TAPT1: variants seen among roughly 807,000 people sequenced by gnomAD.
TAPT1 encodes the protein transmembrane anterior posterior transformation 1.
TAPT1 carries 28 observed loss-of-function variants against 65.6 expected under a neutral mutation model. The ratio of observed to expected loss-of-function variants is 0.43; its 90% CI spans 0.32 to 0.59. The LOEUF is 0.59. TAPT1 is among the 20% of genes least tolerant of loss of function. The pLI is 0.09. For missense variants in TAPT1, 563 were observed against 679.9 expected (o/e 0.83, Z 1.91); for synonymous variants, 278 against 245.2 (o/e 1.13, Z -1.25).
chr4:16,202,918 G>C (rs892466272), intron 2 of TAPT1, among the ~76,000 whole-genome samples: 1 of 152,064 alleles, frequency 6.6e-6, no homozygotes, highest in African/African-American at 2.4e-5. Flanking sequence ...CTGTTTATTA[G>C]AATGCTTCAT....
intron 2 of TAPT1, 52 bp from the exon 3 acceptor site, chr4:16,202,632 G>C (rs1015183518): frequency 2.0e-6 from 2 of 1,006,902 alleles, no homozygotes; most frequent in Non-Finnish European, 2.9e-6. Context: ...AAAAATACTT[G>C]TAGATGAAAA....
At chr4:16,180,523 C>G (rs1748650595) in intron 7 of TAPT1, among the ~76,000 whole-genome samples, 1 of 152,168 alleles carries the variant, frequency 6.6e-6, no homozygotes, top group Admixed American at 6.5e-5. Context: ...TTCCCACTGC[C>G]TCAGTAAATG....
intron 1 of TAPT1, 87 bp downstream of exon 1, chr4:16,226,172 G>A (rs1751545042): frequency 9.5e-7 from 1 of 1,057,120 alleles, no homozygotes; most frequent in Non-Finnish European, 1.1e-6. Context: ...GCGCGGCTCG[G>A]GGGCCGGGGT....
intron 12 of TAPT1, among the ~76,000 whole-genome samples, chr4:16,167,939 C>T (rs189039822): frequency 2.5e-4 from 38 of 152,160 alleles, no homozygotes; most frequent in Non-Finnish European, 4.6e-4. Flanking sequence ...ATTAAGAAAA[C>T]ACATTAAATC....
At chr4:16,206,485 G>A (rs948685696) in intron 2 of TAPT1, among the ~76,000 whole-genome samples, 1 of 152,132 alleles carries the variant, frequency 6.6e-6, no homozygotes, top group Non-Finnish European at 1.5e-5. Context: ...GAATGATGCA[G>A]CAAGGCAGGA....
chr4:16,177,326 T>C (rs1466915377), intron 8 of TAPT1, among the ~76,000 whole-genome samples: 1 of 152,128 alleles, frequency 6.6e-6, no homozygotes, highest in Non-Finnish European at 1.5e-5. Flanking sequence ...GAAACACACC[T>C]ACAGACAACC....
At chr4:16,170,615 T>C in intron 12 of TAPT1, 38 bp downstream of exon 12, 1 of 1,494,574 alleles carries the variant, frequency 6.7e-7, no homozygotes, top group South Asian at 1.1e-5. Context: ...ATTTATGCTT[T>C]ACTGTATAGC....
chr4:16,183,458 C>T (rs1748833425), intron 7 of TAPT1, among the ~76,000 whole-genome samples: 1 of 151,932 alleles, frequency 6.6e-6, no homozygotes, highest in African/African-American at 2.4e-5. Flanking sequence ...TCTTTCTAAG[C>T]TAAGAGGTTG....
At chr4:16,208,963 A>G (rs1750501504) in intron 2 of TAPT1, among the ~76,000 whole-genome samples, 1 of 152,150 alleles carries the variant, frequency 6.6e-6, no homozygotes, top group African/African-American at 2.4e-5. Flanking sequence ...TCTGGGGCTC[A>G]AGCAATCCTT....
At chr4:16,209,263 A>T (rs901721648) in intron 2 of TAPT1, among the ~76,000 whole-genome samples, 2 of 151,840 alleles carry the variant, frequency 1.3e-5, no homozygotes, top group Non-Finnish European at 2.9e-5. Context: ...CCCTTCTCTA[A>T]ATTCTTCATA....
chr4:16,225,814 G>A (rs961629936), intron 1 of TAPT1: 2 of 888,112 alleles, frequency 2.3e-6, no homozygotes, highest in African/African-American at 1.8e-5. Context: ...CTACTTGCAG[G>A]GCAAGTTAAC....
Position 16,174,716 on chromosome 4 carries a change from T to A in TAPT1, c.1121A>T (p.Tyr374Phe). 1 of 1,587,784 alleles carries A rather than the reference T, an allele frequency of 6.3e-7. No individual in the cohort carries two copies. Among genetic ancestry groups the A allele is most frequent in the Non-Finnish European group, 8.6e-7 (1 of 1,166,436 alleles). ...AAGGTCAAAAGCAAGACTGGCTCTA[T>A]ATTCACTGTAGACCTAAAAACAAAC... ...NDITADVYSE[Y>F]RASLAFDLVS... The change falls in exon 10 of 14, where the codon TAT (tyrosine) becomes TTT (phenylalanine). Residue 374 changes from tyrosine (Y) to phenylalanine (F), a missense_variant. Around this residue, in one of 5 missense-constraint regions of TAPT1, gnomAD observed 104 missense variants for 102.5 expected, o/e 1.01. Transcript: ENST00000405303.
intron 3 of TAPT1, among the ~76,000 whole-genome samples, chr4:16,200,557 C>T (rs1375252062): frequency 2.0e-5 from 3 of 152,188 alleles, no homozygotes; most frequent in Admixed American, 6.5e-5. Flanking sequence ...AACTCCTGGC[C>T]TCTAGCGATC....
At chr4:16,217,692 T>A (rs1402075289) in intron 1 of TAPT1, among the ~76,000 whole-genome samples, 1 of 152,184 alleles carries the variant, frequency 6.6e-6, no homozygotes, top group Non-Finnish European at 1.5e-5. Flanking sequence ...AACGTACCAA[T>A]ATAAAACAAA....
intron 3 of TAPT1, among the ~76,000 whole-genome samples, chr4:16,197,817 G>GA (rs1159192279): frequency 3.9e-5 from 6 of 152,192 alleles, no homozygotes; most frequent in Non-Finnish European, 7.4e-5. Flanking sequence ...ATACATAAGT[G>GA]AATCTGCTTT....
intron 8 of TAPT1, 71 bp downstream of exon 8, chr4:16,179,506 A>G: frequency 2.1e-6 from 2 of 933,172 alleles, no homozygotes; most frequent in Non-Finnish European, 1.6e-6. Context: ...TATTCATTTT[A>G]TTCCATGTAA....
chr4:16,182,372 T>G (rs1305070542), intron 7 of TAPT1, among the ~76,000 whole-genome samples: 2 of 152,206 alleles, frequency 1.3e-5, no homozygotes, highest in Non-Finnish European at 2.9e-5. Context: ...ACTCTTACAT[T>G]GATTAAAAAT....
At chr4:16,186,276 C>T (rs1311847482) in intron 7 of TAPT1, among the ~76,000 whole-genome samples, 1 of 152,180 alleles carries the variant, frequency 6.6e-6, no homozygotes, top group Non-Finnish European at 1.5e-5. Context: ...ATACCACCCA[C>T]TTCAGAGAAA....
Position 16,183,947 on chromosome 4 carries a change from T to C in TAPT1, c.916+2588A>G, listed in dbSNP as rs113800796. 4.9e-3 allele frequency among the ~76,000 whole-genome samples: 750 copies of C among 152,332 alleles called. 4 individuals carry two copies. Among genetic ancestry groups the C allele is most frequent in the Middle Eastern group, 0.031 (9 of 294 alleles). ...CTAGGCTTTATGTTCAAGTTTTCCA[T>C]TTGTTCTTTTTGTTCCTTGCTTAGT... On this transcript the variant is annotated intron_variant, in intron 7 of 13. Transcript: ENST00000405303.
Sources: gnomAD v4.1 joint callset for allele counts (sites outside exome capture counted in the v4.1 genomes callset) on GRCh38, gnomAD v4.1.1 for gene constraint, gnomAD v4.1.1 regional missense constraint, MANE v1.5 for transcripts, NCBI Gene and HGNC (gene_info 2026-07-23, HGNC 2026-07-21) for gene names.